The following ADGRL2 variants were observed in gnomAD, a reference collection of about 807,000 sequenced individuals.
The protein encoded by ADGRL2 is calcium-independent alpha-latrotoxin receptor 2.
Under a neutral mutation model 157.4 loss-of-function variants are expected in ADGRL2, and 44 were observed. The observed-to-expected ratio is 0.28, with a 90% CI of 0.22 to 0.36. The LOEUF is 0.36. Among genes scored for constraint, ADGRL2 ranks in the 10% least tolerant of loss-of-function variants. ADGRL2 has a pLI of 1.00. For missense variants in ADGRL2, 1,510 were observed against 1,768.9 expected (o/e 0.85, Z 2.63); for synonymous variants, 585 against 624.7 (o/e 0.94, Z 0.95).
chr1:81,774,153 C>T (rs2086485184), intron 2 of ADGRL2, among the ~76,000 whole-genome samples: 2 of 139,752 alleles, frequency 1.4e-5, no homozygotes, highest in South Asian at 2.1e-4. Context: ...TAGCAAATGA[C>T]TACATTAAGT....
chr1:81,578,631 T>C (rs1281519916), intron 2 of ADGRL2, among the ~76,000 whole-genome samples: 1 of 152,190 alleles, frequency 6.6e-6, no homozygotes, highest in African/African-American at 2.4e-5. Context: ...AAAAGCAGAA[T>C]ACTCCAAGTT....
At chr1:81,935,916 C>T (rs795425) in intron 3 of ADGRL2, among the ~76,000 whole-genome samples, 7,447 of 151,688 alleles carry the variant, frequency 0.049, 518 homozygotes, top group African/African-American at 0.15. Flanking sequence ...AAAATAATTC[C>T]TTATAACAAT....
Position 81,667,004 on chromosome 1 carries a change from C to T in ADGRL2, c.-143+86024C>T, listed in dbSNP as rs550152154. Among the ~76,000 whole-genome samples the T allele has an allele frequency of 3.9e-5, 6 of 152,286 alleles. No homozygotes were observed. The East Asian group carries it at 9.7e-4, about 25-fold the overall frequency. ...AAGTGGAAGAGTTAGAAAGTGGCCACATCTATTATATTTAATAGTGCACAC... is the reference window on the plus strand; with the variant it reads ...AAGTGGAAGAGTTAGAAAGTGGCCATATCTATTATATTTAATAGTGCACAC... On this transcript the variant is annotated intron_variant, in intron 3 of 24. Transcript: ENST00000370721.
intron 14 of ADGRL2, among the ~76,000 whole-genome samples, chr1:81,968,725 C>T (rs1180562041): frequency 6.6e-6 from 1 of 152,130 alleles, no homozygotes; most frequent in African/African-American, 2.4e-5. Flanking sequence ...GTCTCAGATC[C>T]GTAGTATGTG....
chr1:81,610,266 G>A (rs2081515771), intron 3 of ADGRL2, among the ~76,000 whole-genome samples: 1 of 138,604 alleles, frequency 7.2e-6, no homozygotes, highest in Admixed American at 7.9e-5. Flanking sequence ...TCTAGGAGAA[G>A]GACAGTGGGA....
chr1:81,984,375 T>C, intron 19 of ADGRL2: 1 of 432,238 alleles, frequency 2.3e-6, no homozygotes, highest in Non-Finnish European at 4.1e-6. Context: ...AAGACTCTAC[T>C]AGCCAGTCTA....
upstream of ADGRL2, among the ~76,000 whole-genome samples, chr1:81,798,893 A>G (rs966920589): frequency 1.3e-5 from 2 of 149,600 alleles, no homozygotes; most frequent in Non-Finnish European, 1.5e-5. Flanking sequence ...GATTAGACTG[A>G]TGCATGCACT....
chr1:81,385,911 C>A (rs553544829), intron 1 of ADGRL2, among the ~76,000 whole-genome samples: 1 of 151,934 alleles, frequency 6.6e-6, no homozygotes, highest in African/African-American at 2.4e-5. Flanking sequence ...AATGAAAGGT[C>A]TTTAGAAACC....
At chr1:81,623,843 G>C (rs771714597) in intron 3 of ADGRL2, among the ~76,000 whole-genome samples, 2 of 151,988 alleles carry the variant, frequency 1.3e-5, no homozygotes, top group Non-Finnish European at 2.9e-5. Context: ...CACCATGTTG[G>C]TCAGGCTGGT....
chr1:81,635,798 A>G (rs1040949208), intron 3 of ADGRL2, among the ~76,000 whole-genome samples: 1 of 152,150 alleles, frequency 6.6e-6, no homozygotes, highest in Non-Finnish European at 1.5e-5. Context: ...AGTGGGCTTC[A>G]ACCTGAATGT....
At chr1:81,398,010 A>T (rs1015315442) in intron 1 of ADGRL2, among the ~76,000 whole-genome samples, 34 of 152,134 alleles carry the variant, frequency 2.2e-4, no homozygotes, top group African/African-American at 8.0e-4. Flanking sequence ...CGGGGTGCAT[A>T]TATTTTTGTA....
intron 1 of ADGRL2, among the ~76,000 whole-genome samples, chr1:81,759,772 A>C (rs959555846): frequency 7.2e-5 from 11 of 152,048 alleles, no homozygotes; most frequent in Admixed American, 3.3e-4. Context: ...TTCCTCCTCT[A>C]TCAGATTTTG....
intron 2 of ADGRL2, among the ~76,000 whole-genome samples, chr1:81,556,869 A>T (rs2080291954): frequency 6.6e-6 from 1 of 151,940 alleles, no homozygotes; most frequent in Non-Finnish European, 1.5e-5. Context: ...CGAGGTCAGG[A>T]GTTTGAGACC....
chr1:81,965,986 A>T (rs1656922694), intron 11 of ADGRL2, 72 bp from the exon 12 acceptor site: 6 of 1,459,692 alleles, frequency 4.1e-6, no homozygotes, highest in Non-Finnish European at 5.7e-6. Context: ...CCATACAGTT[A>T]TCATTTGCCT....
At chr1:81,699,057 T>C (rs527788294), upstream of ADGRL2, among the ~76,000 whole-genome samples, 2 of 152,338 alleles carry the variant, frequency 1.3e-5, no homozygotes, top group East Asian at 1.9e-4. Context: ...TTTGGTTTGC[T>C]ATTAGAAAAT....
At chr1:81,461,649 T>C (rs2077930763) in intron 2 of ADGRL2, among the ~76,000 whole-genome samples, 1 of 152,198 alleles carries the variant, frequency 6.6e-6, no homozygotes, top group South Asian at 2.1e-4. Flanking sequence ...TGTACTTTAA[T>C]ATCTATACAT....
chr1:81,430,069 T>C (rs2077292856), intron 1 of ADGRL2, among the ~76,000 whole-genome samples: 1 of 152,154 alleles, frequency 6.6e-6, no homozygotes, highest in Non-Finnish European at 1.5e-5. Flanking sequence ...TATTTTGTAT[T>C]TTCAGTAGAG....
intron 5 of ADGRL2, 48 bp from the exon 6 acceptor site, chr1:81,942,921 G>T: frequency 7.1e-7 from 1 of 1,412,274 alleles, no homozygotes; most frequent in South Asian, 1.2e-5. Flanking sequence ...GTTTGCCTGT[G>T]TAATTTTTTA....
chr1:81,454,805 A>G (rs2077770276), intron 2 of ADGRL2, among the ~76,000 whole-genome samples: 1 of 152,194 alleles, frequency 6.6e-6, no homozygotes, highest in African/African-American at 2.4e-5. Context: ...TGGCTCCACC[A>G]AGCCAGATTT....
Sources: allele counts gnomAD v4.1 joint callset (sites outside exome capture counted in the v4.1 genomes callset), GRCh38; gene constraint gnomAD v4.1.1; transcripts MANE v1.5; gene names NCBI Gene and HGNC (gene_info 2026-07-23, HGNC 2026-07-21).